Variants in NFS1 observed in about 807,000 individuals in gnomAD.
NFS1 encodes cysteine desulfurase.
NFS1 carries 26 observed loss-of-function variants against 57.3 expected under a neutral mutation model. The observed-to-expected ratio is 0.45, with a 90% CI of 0.33 to 0.63. The LOEUF (loss-of-function observed/expected upper bound fraction) is 0.63. Ranked by LOEUF, NFS1 falls within the 20% of genes least tolerant of loss-of-function variation. The pLI, the probability that NFS1 is intolerant of heterozygous loss-of-function variation, is 0.02. For missense variants in NFS1, 505 were observed against 605.8 expected, an observed-to-expected ratio of 0.83 and a Z score of 1.75; for synonymous variants, 209 against 216.3, an observed-to-expected ratio of 0.97 and a Z score of 0.30.
Position 35,698,552 on chromosome 20 carries a change from T to C in NFS1, c.136A>G (p.Thr46Ala), listed in dbSNP as rs77784756. ...RAPQSAVPAD[T>A]AAAPEVGPVL... Reference sequence around the variant, plus strand: ...GGCCCCACCTCCGGGGCAGCGGCTGTATCTGCGGGAACCGCAGACTGAGGA... The same window carrying C: ...GGCCCCACCTCCGGGGCAGCGGCTGCATCTGCGGGAACCGCAGACTGAGGA... Residue 46 changes from threonine to alanine, a missense_variant, in exon 2 of 13, where the codon ACA becomes GCA. Physicochemically the swap from Thr to Ala is moderately conservative, Grantham distance 58 (BLOSUM62 0). Coordinates refer to ENST00000374092, the MANE Select transcript of NFS1 (RefSeq NM_021100.5). The C allele has an allele frequency of 6.2e-7, 1 of 1,613,652 alleles. No homozygotes were observed. The highest frequency in any genetic ancestry group is 8.5e-7 in the Non-Finnish European group (1 of 1,179,912).
intron 5 of NFS1, among the ~76,000 whole-genome samples, chr20:35,686,968 G>A (rs2034954715): frequency 6.6e-6 from 1 of 152,186 alleles, no homozygotes; most frequent in African/African-American, 2.4e-5. Context: ...AGGGGACATA[G>A]TGAGAAGTGA....
intron 4 of NFS1, among the ~76,000 whole-genome samples, chr20:35,695,827 G>T (rs2035123190): frequency 6.6e-6 from 1 of 151,952 alleles, no homozygotes; most frequent in South Asian, 2.1e-4. Context: ...GGATCATCAG[G>T]TCAAGAGATT....
At chr20:35,674,990 A>T in intron 8 of NFS1, 55 bp downstream of exon 8, 1 of 1,609,884 alleles carries the variant, frequency 6.2e-7, no homozygotes, top group Admixed American at 1.7e-5. Flanking sequence ...AAGCCTCTAA[A>T]TAGGAGACCC....
Position 35,699,082 on chromosome 20 carries a change from G to C in NFS1, c.97+110C>G. 2 of 1,340,842 alleles carry C rather than the reference G, an allele frequency of 1.5e-6. No homozygotes were observed. Among genetic ancestry groups the C allele is most frequent in the South Asian group, 1.9e-5 (1 of 52,000 alleles). 83.1% of individuals were successfully genotyped at this position (1,340,842 alleles called of 1,614,324 possible). A position where few individuals can be genotyped will look rare whatever the true frequency, so the allele number is the denominator to read the frequency against. On this transcript the variant is annotated intron_variant, in intron 1 of 12. Transcript: ENST00000374092. This position sits in a 1 kb window ranked among gnomAD's most constrained non-coding sequence, Gnocchi z 4.4. ...GAGGGATGTGTCATTTGAGAGAAGG[G>C]TCAGAGGGTCTGGGCAGCAGGGTGG...
At chr20:35,681,423 A>C (rs2034847106) in intron 6 of NFS1, among the ~76,000 whole-genome samples, 1 of 152,158 alleles carries the variant, frequency 6.6e-6, no homozygotes, top group Admixed American at 6.5e-5. Context: ...CCTGGCCGGG[A>C]GCAGTGGCTC....
Position 35,699,248 on chromosome 20 carries a change from A to T in NFS1, c.41T>A (p.Val14Glu). ...RAAWRRAAVA[V>E]TAAPGPKPAA... is the part of the protein sequence containing the mutation. ...GGGCTTCGGCCCTGGAGCCGCTGTC[A>T]CCGCCACTGCCGCCCGCCTCCAAGC... Residue 14 changes from valine (V) to glutamate (E), a missense_variant, in exon 1 of 13, where the codon GTG (valine) becomes GAG (glutamate). Coordinates refer to ENST00000374092, the MANE Select transcript of NFS1 (RefSeq NM_021100.5). This position sits in a 1 kb window ranked among gnomAD's most constrained non-coding sequence, Gnocchi z 4.4. The T allele has an allele frequency of 7.0e-7, 1 of 1,426,526 alleles. No homozygotes were observed. The highest frequency in any genetic ancestry group is 1.5e-5 in the South Asian group (1 of 68,826). 88.4% of individuals were successfully genotyped at this position (1,426,526 alleles called of 1,614,324 possible). A position where few individuals can be genotyped will look rare whatever the true frequency, so the allele number is the denominator to read the frequency against.
At chr20:35,671,669 T>C (rs2034656689) in intron 12 of NFS1, among the ~76,000 whole-genome samples, 1 of 152,068 alleles carries the variant, frequency 6.6e-6, no homozygotes, top group Non-Finnish European at 1.5e-5. Context: ...ACAGGAGGAC[T>C]GCTTGAGCCC....
chr20:35,695,316 T>C (rs1806551512), intron 4 of NFS1, among the ~76,000 whole-genome samples: 1 of 152,122 alleles, frequency 6.6e-6, no homozygotes, highest in Admixed American at 6.6e-5. Context: ...CCTCCTATAT[T>C]CAGGCCAAGG....
intron 8 of NFS1, chr20:35,674,833 G>T: frequency 1.4e-6 from 1 of 702,590 alleles, no homozygotes; most frequent in Non-Finnish European, 2.4e-6. Flanking sequence ...TACTTATCCA[G>T]AAATAAATGA....
At chr20:35,688,192 C>G (rs1389269018) in intron 5 of NFS1, among the ~76,000 whole-genome samples, 2 of 151,620 alleles carry the variant, frequency 1.3e-5, no homozygotes, top group Non-Finnish European at 2.9e-5. Flanking sequence ...GAGGTTGCAA[C>G]GAGCCAAGAT....
rs868146073 is a variant in NFS1, at chr20:35,698,482, AGAG to A, written c.203_205del (p.Pro68del). ...CCTTGGGAAAAGCTTCATCCTTACC[AGAG>A]GAGTTGTAGCTTGCACATCCATATA... On this transcript the variant is annotated inframe_deletion and splice_region_variant, in exon 2 of 13. Transcript: ENST00000374092. The A allele has an allele frequency of 2.5e-6, 4 of 1,602,814 alleles. No individual in the cohort carries two copies. The highest frequency in any genetic ancestry group is 2.6e-6 in the Non-Finnish European group (3 of 1,173,972).
chr20:35,698,564 C>A lies in NFS1; in HGVS notation c.124G>T (p.Val42Phe). The A allele has an allele frequency of 6.2e-7, 1 of 1,613,452 alleles. No homozygotes were observed. The highest frequency in any genetic ancestry group is 8.5e-7 in the Non-Finnish European group (1 of 1,179,816). ...GGGGCAGCGGCTGTATCTGCGGGAA[C>A]CGCAGACTGAGGAGCACGGTCTCCA... ...RVGDRAPQSA[V>F]PADTAAAPEV... The change falls in exon 2 of 13, where the codon GTT (valine) becomes TTT (phenylalanine). Residue 42 changes from valine (V) to phenylalanine (F), a missense_variant. Transcript: ENST00000374092.
At chr20:35,698,182 C>T (rs1479672920) in intron 2 of NFS1, among the ~76,000 whole-genome samples, 1 of 152,184 alleles carries the variant, frequency 6.6e-6, no homozygotes, top group Non-Finnish European at 1.5e-5. Context: ...TCTTTTAACC[C>T]GTTTAATACT....
chr20:35,697,700 ATGGC>A lies in NFS1; in HGVS notation c.304_307del (p.Ala102TrpfsTer8). On this transcript the variant is annotated frameshift_variant, in exon 3 of 13. Coordinates refer to ENST00000374092, the MANE Select transcript of NFS1 (RefSeq NM_021100.5). LOFTEE classifies it high-confidence loss of function. ...TGTACTAACCTGACGAGCACGTTCC[ATGGC>A]TGCCTCACTCTCCCAGCCATAAGCA... 1 of 1,613,292 alleles carries A rather than the reference ATGGC, an allele frequency of 6.2e-7. No individual in the cohort carries two copies. The highest frequency in any genetic ancestry group is 8.5e-7 in the Non-Finnish European group (1 of 1,179,522).
At chr20:35,696,582 A>T in intron 3 of NFS1, 122 bp from the exon 4 acceptor site, 1 of 695,338 alleles carries the variant, frequency 1.4e-6, no homozygotes, top group Non-Finnish European at 2.6e-6. Flanking sequence ...ATTGCCCTGG[A>T]TGAAGGTCTG....
In NFS1 at chr20:35,678,528, CAAAAAAAA is replaced by C. The variant is rs1169564584; in HGVS notation, c.790+2201_790+2208del. ...GGGGGACAAGAGCGAGACTTTGTCT[CAAAAAAAA>C]AAAAAAAAAAAATTAGCCAGGCATG... On this transcript the variant is annotated intron_variant, in intron 7 of 12. Transcript: ENST00000374092. Among the ~76,000 whole-genome samples, 8 of 56,938 alleles carry C rather than the reference CAAAAAAAA, an allele frequency of 1.4e-4. 1 individual carries two copies. The Admixed American group carries it at 1.6e-3, about 12-fold the overall frequency. 37.4% of individuals were successfully genotyped at this position (56,938 alleles called of 152,430 possible).
intron 4 of NFS1, among the ~76,000 whole-genome samples, chr20:35,693,034 T>C (rs2035071703): frequency 6.6e-6 from 1 of 152,032 alleles, no homozygotes; most frequent in African/African-American, 2.4e-5. Flanking sequence ...AGTATCAACT[T>C]TGCAGAACAG....
chr20:35,669,743 T>C, intron 12 of NFS1, 58 bp from the exon 13 acceptor site: 1 of 1,515,484 alleles, frequency 6.6e-7, no homozygotes, highest in Non-Finnish European at 9.2e-7. Context: ...TCGACAACAT[T>C]GGCCCCAAGG....
chr20:35,671,142 C>T (rs570918155), intron 12 of NFS1, among the ~76,000 whole-genome samples: 5 of 152,302 alleles, frequency 3.3e-5, no homozygotes, highest in South Asian at 2.1e-4. Context: ...CTTGCTCTGT[C>T]GCCCAGGCTG....
Sources: gnomAD v4.1 joint callset for allele counts (sites outside exome capture counted in the v4.1 genomes callset) on GRCh38, gnomAD v4.1.1 for gene constraint, Gnocchi (gnomAD v3.1) non-coding constraint, MANE v1.5 for transcripts, NCBI Gene and HGNC (gene_info 2026-07-23, HGNC 2026-07-21) for gene names.